Variants in NR3C1 observed in about 807,000 individuals in gnomAD.
The protein encoded by NR3C1 is nuclear receptor subfamily 3 group C member 1.
Under a neutral mutation model 74.0 loss-of-function variants are expected in NR3C1, and 14 were observed. That is an observed-to-expected ratio of 0.19 (90% CI 0.12 to 0.30). The LOEUF (loss-of-function observed/expected upper bound fraction) is 0.30, where lower values mean the gene tolerates loss of function less well. NR3C1 is among the 10% of genes least tolerant of loss of function. NR3C1 has a pLI of 1.00. For synonymous variants in NR3C1, 308 were observed against 332.5 expected, an observed-to-expected ratio of 0.93 and a Z score of 0.80; for missense variants, 695 against 909.8, an observed-to-expected ratio of 0.76 and a Z score of 3.04.
Position 143,329,310 on chromosome 5 carries a change from T to C in NR3C1, c.1185-15142A>G, listed in dbSNP as rs116605136. On this transcript the variant is annotated intron_variant, in intron 2 of 8. Coordinates refer to ENST00000394464, the MANE Select transcript of NR3C1 (RefSeq NM_000176.3). ...ACGAGAACAGCATGGAGGAAATCAC[T>C]TCCATGATCCAAACACCTCACACCA... Among the ~76,000 whole-genome samples the C allele has an allele frequency of 5.5e-3, 832 of 152,258 alleles. 5 individuals are homozygous for C. The highest frequency in any genetic ancestry group is 0.022 in the East Asian group (114 of 5,180).
At chr5:143,307,516 C>G (rs1345502745) in intron 4 of NR3C1, among the ~76,000 whole-genome samples, 2 of 152,058 alleles carry the variant, frequency 1.3e-5, no homozygotes, top group African/African-American at 4.8e-5. Context: ...CTTAAAACTC[C>G]AAAGATCTTA....
chr5:143,364,881 T>G (rs1254714007), intron 2 of NR3C1, among the ~76,000 whole-genome samples: 1 of 151,928 alleles, frequency 6.6e-6, no homozygotes, highest in Non-Finnish European at 1.5e-5. Context: ...AATTTTTGTA[T>G]TTTTTTGTAG....
At chr5:143,405,021 G>A (rs776932529), upstream of NR3C1, 11 of 661,040 alleles carry the variant, frequency 1.7e-5, no homozygotes, top group Non-Finnish European at 2.1e-5. Flanking sequence ...AAGGGAACTC[G>A]TGGTCCGTCC....
chr5:143,429,299 G>T (rs1751692345), intron 1 of NR3C1, among the ~76,000 whole-genome samples: 1 of 152,200 alleles, frequency 6.6e-6, no homozygotes, highest in African/African-American at 2.4e-5. Flanking sequence ...AAAGCCAGTA[G>T]TCTGACCACT....
chr5:143,396,082 T>C (rs1839133029), intron 2 of NR3C1, among the ~76,000 whole-genome samples: 1 of 151,852 alleles, frequency 6.6e-6, no homozygotes, highest in African/African-American at 2.4e-5. Context: ...ATATGAATTA[T>C]GTTACCAATT....
chr5:143,418,001 C>T (rs889464829), intron 1 of NR3C1, among the ~76,000 whole-genome samples: 2 of 152,264 alleles, frequency 1.3e-5, no homozygotes, highest in South Asian at 2.1e-4. Flanking sequence ...ACATTGATCA[C>T]GTGCTCTTTA....
At position 143,383,012 on chromosome 5, in the gene NR3C1, C is replaced by T. The variant is rs557397957; in HGVS notation, c.1184+16644G>A. 3.3e-5 allele frequency among the ~76,000 whole-genome samples: 5 copies of T among 152,336 alleles called. No homozygotes were observed. In the South Asian group the frequency reaches 6.2e-4, roughly 19 times the overall value. ...CTGTCTTTGGGCTTTCTCTTCAATT[C>T]CTGGCAGAGCAGGCACTAAGTAAAT... On this transcript the variant is annotated intron_variant, in intron 2 of 8. Coordinates refer to ENST00000394464, the MANE Select transcript of NR3C1 (RefSeq NM_000176.3).
chr5:143,339,227 G>A (rs916629846), intron 2 of NR3C1, among the ~76,000 whole-genome samples: 2 of 150,554 alleles, frequency 1.3e-5, no homozygotes, highest in African/African-American at 2.5e-5. Context: ...ATGTACATAT[G>A]CTTGTTTCAC....
At chr5:143,311,178 A>G (rs1221953676) in intron 3 of NR3C1, among the ~76,000 whole-genome samples, 3 of 152,234 alleles carry the variant, frequency 2.0e-5, no homozygotes, top group Non-Finnish European at 4.4e-5. Flanking sequence ...GGAAGCACTA[A>G]CCCAATTCTA....
rs1316341972 is a variant in NR3C1 at position 143,403,648 on chromosome 5, C to A, written c.-451G>T. ...ACGCGAAAGGGCAGCCCGGCCTGGGCGAGCGAGCGGGACCGAGCGGGGAGC... is the reference window on the plus strand; with the variant it reads ...ACGCGAAAGGGCAGCCCGGCCTGGGAGAGCGAGCGGGACCGAGCGGGGAGC... On this transcript the variant is annotated 5_prime_UTR_variant, in exon 1 of 9. Transcript: ENST00000394464. 6.1e-6 allele frequency: 6 copies of A among 985,150 alleles called. No homozygotes were observed. Among genetic ancestry groups the A allele is most frequent in the Non-Finnish European group, 7.2e-6 (6 of 829,872 alleles). The allele number at this position is 985,150 out of a possible 1,614,324, so 61.0% of individuals were successfully genotyped here. A position where few individuals can be genotyped will look rare whatever the true frequency, so the allele number is the denominator to read the frequency against.
intron 2 of NR3C1, among the ~76,000 whole-genome samples, chr5:143,350,145 C>G (rs1356613105): frequency 6.6e-6 from 1 of 152,122 alleles, no homozygotes; most frequent in African/African-American, 2.4e-5. Context: ...AGACTGTACT[C>G]AGGACAGTGA....
chr5:143,388,953 T>C lies in NR3C1; in HGVS notation c.1184+10703A>G, dbSNP rs1005366554. The stretch of plus-strand genomic sequence containing the variant: ...GAAGTCTCCTGTTGGCTCATTCCTA[T>C]GTACTCAGTCCTCATCTAGTCAACT... On this transcript the variant is annotated intron_variant, in intron 2 of 8. Coordinates refer to ENST00000394464, the MANE Select transcript of NR3C1 (RefSeq NM_000176.3). Among the ~76,000 whole-genome samples, 10 of 152,232 alleles carry C rather than the reference T, an allele frequency of 6.6e-5. 1 individual carries two copies. Among genetic ancestry groups the C allele is most frequent in the Admixed American group, 3.3e-4 (5 of 15,286 alleles).
intron 2 of NR3C1, among the ~76,000 whole-genome samples, chr5:143,399,210 T>C (rs1839790958): frequency 1.3e-5 from 2 of 152,170 alleles, no homozygotes; most frequent in Admixed American, 1.3e-4. Context: ...AGCTAACACT[T>C]AACGAATTTA....
chr5:143,366,018 TGAGAAG>T (rs1833114427), intron 2 of NR3C1, among the ~76,000 whole-genome samples: 1 of 152,188 alleles, frequency 6.6e-6, no homozygotes, highest in African/African-American at 2.4e-5. Flanking sequence ...TATACATTTC[TGAGAAG>T]GAAATTCATA....
At chr5:143,434,820 T>A in exon 1 of NR3C1, 1 of 985,456 alleles carries the variant, frequency 1.0e-6, no homozygotes, top group Non-Finnish European at 1.2e-6. Context: ...GACTTAGATA[T>A]GACGCAGATT....
chr5:143,402,134 G>T (rs1160640315), intron 1 of NR3C1, among the ~76,000 whole-genome samples: 1 of 152,144 alleles, frequency 6.6e-6, no homozygotes, highest in African/African-American at 2.4e-5. Context: ...AGGGTAAACT[G>T]CTTATCTCCC....
Position 143,400,506 on chromosome 5 carries a change from G to A in NR3C1, c.334C>T (p.Leu112Phe), listed in dbSNP as rs542110718. 25 of 1,614,236 alleles carry A rather than the reference G, an allele frequency of 1.5e-5. No individual in the cohort carries two copies. Among genetic ancestry groups the A allele is most frequent in the East Asian group, 2.2e-5 (1 of 44,890 alleles). ...LGFPQQGQIS[L>F]SSGETDLKLL... ...TTTAAGTCTGTTTCCCCCGAGGAAA[G>A]GCTGATTTGGCCCTGCTGTGGGAAT... is the stretch of plus-strand genomic sequence containing the variant. Residue 112 changes from leucine (L) to phenylalanine (F), a missense_variant, in exon 2 of 9, where the codon CTT (leucine) becomes TTT (phenylalanine). By Grantham distance (22) the Leu-to-Phe change is conservative. Coordinates refer to ENST00000394464, the MANE Select transcript of NR3C1 (RefSeq NM_000176.3).
At chr5:143,396,214 C>T (rs1839156589) in intron 2 of NR3C1, among the ~76,000 whole-genome samples, 1 of 151,790 alleles carries the variant, frequency 6.6e-6, no homozygotes, top group African/African-American at 2.4e-5. Context: ...CCTGAATACA[C>T]AGTGTGTTTT....
chr5:143,393,207 C>T (rs1277575086), intron 2 of NR3C1, among the ~76,000 whole-genome samples: 1 of 152,110 alleles, frequency 6.6e-6, no homozygotes, highest in Non-Finnish European at 1.5e-5. Flanking sequence ...TATAAAAACA[C>T]CAAATCTGCA....
Sources: allele counts gnomAD v4.1 joint callset (sites outside exome capture counted in the v4.1 genomes callset), GRCh38; gene constraint gnomAD v4.1.1; transcripts MANE v1.5; gene names NCBI Gene and HGNC (gene_info 2026-07-23, HGNC 2026-07-21).